The following ZNF407 variants were observed in gnomAD, a reference collection of about 807,000 sequenced individuals.
ZNF407 encodes zinc finger protein 407.
In ZNF407, 17 loss-of-function variants were observed where a neutral mutation model predicts 131.2. That is an observed-to-expected ratio of 0.13 (90% CI 0.09 to 0.19). ZNF407 has a LOEUF of 0.19. Among genes scored for constraint, ZNF407 ranks in the 10% least tolerant of loss-of-function variants. The pLI, the probability that ZNF407 is intolerant of heterozygous loss-of-function variation, is 1.00. For missense variants in ZNF407, 2,681 were observed against 2,830.6 expected (o/e 0.95, Z 1.20); for synonymous variants, 1,156 against 1,062.0 (o/e 1.09, Z -1.72).
intron 8 of ZNF407, among the ~76,000 whole-genome samples, chr18:74,937,726 A>G (rs761904197): frequency 6.6e-6 from 1 of 152,240 alleles, no homozygotes; most frequent in Non-Finnish European, 1.5e-5. Context: ...ACCATATTTT[A>G]TACATATCAC....
At chr18:74,858,241 G>C (rs1190992154) in intron 4 of ZNF407, among the ~76,000 whole-genome samples, 1 of 148,044 alleles carries the variant, frequency 6.8e-6, no homozygotes, top group Non-Finnish European at 1.5e-5. Flanking sequence ...GAATGTCCAC[G>C]TATTAACACC....
intron 4 of ZNF407, among the ~76,000 whole-genome samples, chr18:74,821,309 G>A (rs561077504): frequency 6.6e-6 from 1 of 151,986 alleles, no homozygotes; most frequent in Non-Finnish European, 1.5e-5. Flanking sequence ...TGGGATACAT[G>A]TGCAGAACAT....
chr18:74,965,553 T>C (rs1972400077), intron 8 of ZNF407, among the ~76,000 whole-genome samples: 1 of 152,232 alleles, frequency 6.6e-6, no homozygotes, highest in Non-Finnish European at 1.5e-5. Context: ...CTTTATTCAT[T>C]TGTCATCTGT....
At chr18:74,898,884 G>C (rs1033572280) in intron 7 of ZNF407, among the ~76,000 whole-genome samples, 8 of 152,174 alleles carry the variant, frequency 5.3e-5, no homozygotes, top group African/African-American at 1.9e-4. Context: ...TGTCTGGGGG[G>C]AAAAGTGGTT....
In ZNF407 at chr18:74,668,107, C is replaced by T. The variant is rs117868346; in HGVS notation, c.4802+26985C>T. On this transcript the variant is annotated intron_variant, in intron 3 of 8. Transcript: ENST00000299687. ...CCTGAAGTCCGAAATGCTCCAAAATCGGAAGGTTTCTGAGTGCCAATATGA... is the reference window on the plus strand; with the variant it reads ...CCTGAAGTCCGAAATGCTCCAAAATTGGAAGGTTTCTGAGTGCCAATATGA... Among the ~76,000 whole-genome samples the T allele has an allele frequency of 7.0e-4, 107 of 152,206 alleles. 2 individuals carry two copies. In the East Asian group the frequency reaches 0.019, roughly 27 times the overall value.
At chr18:74,743,183 G>A (rs550577691) in intron 3 of ZNF407, among the ~76,000 whole-genome samples, 1 of 152,248 alleles carries the variant, frequency 6.6e-6, no homozygotes, top group South Asian at 2.1e-4. Flanking sequence ...AGGGGTTAGG[G>A]ATTACAATGT....
rs1184695819 is a variant in ZNF407 at position 74,881,137 on chromosome 18, A to G, written c.5128+18A>G. On this transcript the variant is annotated intron_variant, in intron 6 of 8. Transcript: ENST00000299687. ...GCACACAGGTCAGTTCCGATGCTGC[A>G]CTGGCCCCTTCTCTGCAGAGAGGAC... The G allele has an allele frequency of 6.4e-7, 1 of 1,557,256 alleles. No homozygotes were observed.
chr18:74,918,693 G>T (rs1321988102), intron 7 of ZNF407, among the ~76,000 whole-genome samples: 4 of 151,974 alleles, frequency 2.6e-5, no homozygotes, highest in Non-Finnish European at 5.9e-5. Flanking sequence ...GAAAATATCT[G>T]TTGTTCTAGT....
chr18:75,022,847 T>A (rs1460940222), intron 8 of ZNF407, among the ~76,000 whole-genome samples: 1 of 152,120 alleles, frequency 6.6e-6, no homozygotes, highest in Non-Finnish European at 1.5e-5. Context: ...CCCCAAAGAA[T>A]ATAAATTGTT....
intron 8 of ZNF407, among the ~76,000 whole-genome samples, chr18:75,058,090 A>C (rs1973581801): frequency 6.6e-6 from 1 of 152,216 alleles, no homozygotes; most frequent in South Asian, 2.1e-4. Flanking sequence ...ACCAGCCAGC[A>C]GAACTGAGCC....
intron 3 of ZNF407, among the ~76,000 whole-genome samples, chr18:74,659,849 G>A (rs577003736): frequency 1.3e-5 from 2 of 152,232 alleles, no homozygotes; most frequent in African/African-American, 4.8e-5. Context: ...ATTGGTTAAC[G>A]TGAAAAGTCA....
rs1972081089 is a variant in ZNF407, at chr18:74,940,195, G to C, written c.5428+19503G>C. ...TGTGATTGCAGTCATTGTGGAGCTT[G>C]TTGTAGCCAGAGAGGCAGACATTGT... On this transcript the variant is annotated intron_variant, in intron 8 of 8. Coordinates refer to ENST00000299687, the MANE Select transcript of ZNF407 (RefSeq NM_017757.3). Among the ~76,000 whole-genome samples the C allele has an allele frequency of 2.0e-5, 3 of 152,194 alleles. No homozygotes were observed. In the South Asian group the frequency reaches 6.2e-4, roughly 31 times the overall value.
intron 4 of ZNF407, among the ~76,000 whole-genome samples, chr18:74,875,633 C>T (rs1055310001): frequency 6.6e-6 from 1 of 151,926 alleles, no homozygotes; most frequent in East Asian, 1.9e-4. Context: ...CATGAAGACC[C>T]GTCAAAGAGA....
intron 3 of ZNF407, among the ~76,000 whole-genome samples, chr18:74,699,560 C>T (rs891940150): frequency 6.6e-6 from 1 of 151,982 alleles, no homozygotes; most frequent in African/African-American, 2.4e-5. Context: ...CATTTGTTGG[C>T]AGAGGAGTGG....
At chr18:74,892,530 A>C (rs1971399670) in intron 7 of ZNF407, among the ~76,000 whole-genome samples, 1 of 152,160 alleles carries the variant, frequency 6.6e-6, no homozygotes, top group Non-Finnish European at 1.5e-5. Context: ...GTTTCCCCTC[A>C]ACTTTCCATC....
chr18:74,990,175 C>T (rs1043348258), intron 8 of ZNF407, among the ~76,000 whole-genome samples: 3 of 152,090 alleles, frequency 2.0e-5, no homozygotes, highest in Non-Finnish European at 2.9e-5. Flanking sequence ...ACTTCAGGTA[C>T]TCGGGGTAAT....
chr18:74,599,227 A>G (rs1379165602), intron 1 of ZNF407, among the ~76,000 whole-genome samples: 3 of 152,230 alleles, frequency 2.0e-5, no homozygotes, highest in Non-Finnish European at 4.4e-5. Flanking sequence ...AATTACTGCT[A>G]CTGGTACAAG....
At chr18:74,752,624 A>G (rs1377201380) in intron 3 of ZNF407, among the ~76,000 whole-genome samples, 1 of 152,208 alleles carries the variant, frequency 6.6e-6, no homozygotes, top group East Asian at 1.9e-4. Flanking sequence ...CCATTTATTA[A>G]ATAGGGAATC....
intron 3 of ZNF407, among the ~76,000 whole-genome samples, chr18:74,721,419 G>T (rs1417034967): frequency 6.6e-6 from 1 of 152,088 alleles, no homozygotes; most frequent in East Asian, 1.9e-4. Context: ...GAAATAAGTG[G>T]CGTCCAAATT....
Sources: allele counts gnomAD v4.1 joint callset (sites outside exome capture counted in the v4.1 genomes callset), GRCh38; gene constraint gnomAD v4.1.1; transcripts MANE v1.5; gene names NCBI Gene and HGNC (gene_info 2026-07-23, HGNC 2026-07-21).